Variants in CLMP observed in about 807,000 individuals in gnomAD.
CLMP encodes CXADR-like membrane protein.
In CLMP, 27 loss-of-function variants were observed where a neutral mutation model predicts 45.2. The ratio of observed to expected loss-of-function variants is 0.60; its 90% confidence interval spans 0.44 to 0.82. The LOEUF is 0.82. CLMP is among the 40% of genes least tolerant of loss of function. The pLI, the probability that CLMP is intolerant of heterozygous loss-of-function variation, is 0.00. For synonymous variants in CLMP, 167 were observed against 171.4 expected, an observed-to-expected ratio of 0.97 and a Z score of 0.20; for missense variants, 403 against 448.4, an observed-to-expected ratio of 0.90 and a Z score of 0.91.
intron 1 of CLMP, among the ~76,000 whole-genome samples, chr11:123,185,001 G>T (rs1358456975): frequency 6.6e-6 from 1 of 152,152 alleles, no homozygotes; most frequent in African/African-American, 2.4e-5. Context: ...GGCTGAGAGG[G>T]GCGAGCACAG....
intron 5 of CLMP, among the ~76,000 whole-genome samples, chr11:123,079,070 G>A (rs1865772551): frequency 6.6e-6 from 1 of 152,042 alleles, no homozygotes; most frequent in Non-Finnish European, 1.5e-5. Flanking sequence ...GAGCCACCGT[G>A]CCTGGCCAGA....
intron 1 of CLMP, among the ~76,000 whole-genome samples, chr11:123,148,027 C>T (rs1307452494): frequency 5.9e-5 from 9 of 152,144 alleles, no homozygotes; most frequent in Admixed American, 4.6e-4. Flanking sequence ...CTTCGTTCTG[C>T]AGCTTACCTA....
intron 1 of CLMP, among the ~76,000 whole-genome samples, chr11:123,101,265 C>T (rs991402090): frequency 2.0e-5 from 3 of 152,044 alleles, no homozygotes; most frequent in Admixed American, 6.6e-5. Context: ...TGTGCCACAC[C>T]GGCTGATTTT....
intron 5 of CLMP, among the ~76,000 whole-genome samples, chr11:123,077,547 C>A (rs1409259591): frequency 1.3e-5 from 2 of 151,960 alleles, no homozygotes; most frequent in Non-Finnish European, 2.9e-5. Flanking sequence ...TCAGGCTGGT[C>A]TCAAACTCCT....
chr11:123,180,122 G>A (rs1449940293), intron 1 of CLMP, among the ~76,000 whole-genome samples: 1 of 152,228 alleles, frequency 6.6e-6, no homozygotes, highest in South Asian at 2.1e-4. Flanking sequence ...TTGCTTACCA[G>A]CTGTGTCACC....
chr11:123,137,396 G>A (rs1321843949), intron 1 of CLMP, among the ~76,000 whole-genome samples: 1 of 151,876 alleles, frequency 6.6e-6, no homozygotes, highest in East Asian at 1.9e-4. Context: ...GAGGACTCGC[G>A]TTTAGAAGGA....
intron 2 of CLMP, among the ~76,000 whole-genome samples, chr11:123,085,595 T>TA (rs35921171): frequency 0.012 from 980 of 82,078 alleles, 11 homozygotes; most frequent in Middle Eastern, 0.039. Context: ...GCTACAAAGA[T>TA]AAAAAAAAAA....
intron 6 of CLMP, 148 bp from the exon 7 acceptor site, chr11:123,073,922 CTTA>C: frequency 2.7e-6 from 2 of 736,268 alleles, no homozygotes; most frequent in Non-Finnish European, 4.4e-6. Context: ...TTCCTCGTAT[CTTA>C]AGACTTAATG....
intron 1 of CLMP, among the ~76,000 whole-genome samples, chr11:123,190,599 C>A (rs878297): frequency 0.1 from 15,460 of 152,178 alleles, 2,542 homozygotes; most frequent in African/African-American, 0.35. Flanking sequence ...CACATACACC[C>A]ACATCTTTGG....
chr11:123,160,429 C>A (rs1051805085), intron 1 of CLMP, among the ~76,000 whole-genome samples: 4 of 152,042 alleles, frequency 2.6e-5, no homozygotes, highest in African/African-American at 9.6e-5. Context: ...CTTCACTGCA[C>A]TTATTAATGA....
Position 123,139,945 on chromosome 11 carries a change from C to T in CLMP, c.29-41993G>A, listed in dbSNP as rs191214548. Among the ~76,000 whole-genome samples the T allele has an allele frequency of 2.3e-3, 348 of 152,296 alleles. 5 individuals are homozygous for T. The highest frequency in any genetic ancestry group is 5.8e-4 in the East Asian group (3 of 5,188). On this transcript the variant is annotated intron_variant, in intron 1 of 6. Transcript: ENST00000448775. ...CCGATGGCGATAAAAGGGTATTCAA[C>T]GGGCTGTCCCCCAATTCATGTGAGT...
At chr11:123,154,087 A>G (rs1426152209) in intron 1 of CLMP, among the ~76,000 whole-genome samples, 2 of 152,182 alleles carry the variant, frequency 1.3e-5, no homozygotes, top group African/African-American at 4.8e-5. Context: ...CCTTCCAGCC[A>G]ATAAATGAGG....
intron 1 of CLMP, among the ~76,000 whole-genome samples, chr11:123,152,947 A>G (rs914684174): frequency 6.6e-6 from 1 of 152,128 alleles, no homozygotes; most frequent in Non-Finnish European, 1.5e-5. Flanking sequence ...GGAGAGAAGG[A>G]TGTTGGATAA....
chr11:123,085,870 G>A (rs1296887813), intron 2 of CLMP, among the ~76,000 whole-genome samples: 2 of 150,602 alleles, frequency 1.3e-5, no homozygotes. Flanking sequence ...TCTGTCTCCT[G>A]GGTTCAAGCA....
chr11:123,078,475 C>A (rs1400899582), intron 5 of CLMP, among the ~76,000 whole-genome samples: 1 of 152,052 alleles, frequency 6.6e-6, no homozygotes, highest in African/African-American at 2.4e-5. Context: ...GAGCCAGAGT[C>A]TCACTCTGTT....
intron 1 of CLMP, among the ~76,000 whole-genome samples, chr11:123,172,301 C>T (rs527474480): frequency 1.8e-3 from 275 of 152,018 alleles, no homozygotes; most frequent in African/African-American, 2.8e-3. Flanking sequence ...TTAGTAGAGA[C>T]GGTGTTTCAC....
intron 2 of CLMP, among the ~76,000 whole-genome samples, chr11:123,093,629 A>G (rs966159290): frequency 5.9e-5 from 9 of 152,158 alleles, no homozygotes; most frequent in African/African-American, 2.2e-4. Flanking sequence ...TGGGCCTCCC[A>G]AAGTGCTAGG....
At chr11:123,152,076 C>T (rs1002978618) in intron 1 of CLMP, among the ~76,000 whole-genome samples, 8 of 152,156 alleles carry the variant, frequency 5.3e-5, no homozygotes, top group Non-Finnish European at 1.0e-4. Context: ...CCTCAATTTC[C>T]TATAATAATC....
chr11:123,164,832 TTGCACTAACA>T (rs1331325309), intron 1 of CLMP, among the ~76,000 whole-genome samples: 1 of 152,164 alleles, frequency 6.6e-6, no homozygotes, highest in Non-Finnish European at 1.5e-5. Flanking sequence ...AGTTTGTAGT[TTGCACTAACA>T]TGTTTTTAAA....
Sources: allele counts gnomAD v4.1 joint callset (sites outside exome capture counted in the v4.1 genomes callset), GRCh38; gene constraint gnomAD v4.1.1; transcripts MANE v1.5; gene names NCBI Gene and HGNC (gene_info 2026-07-23, HGNC 2026-07-21).